Variants in PKIB observed in about 807,000 individuals in gnomAD.
The protein encoded by PKIB is PKI-beta.
PKIB carries 2 observed loss-of-function variants against 4.5 expected under a neutral mutation model. The observed-to-expected ratio is 0.44, with a 90% CI of 0.18 to 1.39. The LOEUF (loss-of-function observed/expected upper bound fraction) is 1.39, where lower values mean the gene tolerates loss of function less well. Ranked by LOEUF, PKIB falls within the 40% of genes most tolerant of loss-of-function variation. PKIB has a pLI of 0.27. For missense variants in PKIB, 94 were observed against 92.6 expected (o/e 1.02, Z -0.06); for synonymous variants, 38 against 36.0 (o/e 1.06, Z -0.20).
chr6:122,529,902 A>G (rs1049333744), intron 2 of PKIB, among the ~76,000 whole-genome samples: 4 of 152,064 alleles, frequency 2.6e-5, no homozygotes, highest in African/African-American at 7.2e-5. Flanking sequence ...TATAAGATAC[A>G]TCTGTGTTGT....
chr6:122,628,592 C>T lies in PKIB; in HGVS notation c.-160-4691C>T, dbSNP rs148911218. The stretch of plus-strand genomic sequence containing the variant: ...TGACATAGTGGATACAAAGTATGCC[C>T]TGTGCATTAATAGCTAGTATAAATG... On this transcript the variant is annotated intron_variant, in intron 1 of 4. Coordinates refer to ENST00000368452, the MANE Select transcript of PKIB (RefSeq NM_181795.3). Among the ~76,000 whole-genome samples, 281 of 152,266 alleles carry T rather than the reference C, an allele frequency of 1.8e-3. 1 individual carries two copies. Among genetic ancestry groups the T allele is most frequent in the African/African-American group, 6.5e-3 (269 of 41,552 alleles).
At position 122,704,877 on chromosome 6, in the gene PKIB, A is replaced by C. The variant is rs532992979; in HGVS notation, c.-8-12910A>C. Among the ~76,000 whole-genome samples the C allele has an allele frequency of 1.4e-3, 212 of 152,158 alleles. 2 individuals are homozygous for C. The highest frequency in any genetic ancestry group is 4.9e-3 in the African/African-American group (202 of 41,510). On this transcript the variant is annotated intron_variant, in intron 3 of 4. Transcript: ENST00000368452. The stretch of plus-strand genomic sequence containing the variant: ...GATCACTTGAGGCCAGAAGTTTAAG[A>C]CCATCCTTCAACTCTACAAAAAGTT...
At chr6:122,471,935 C>T (rs1188193806) in exon 1 of PKIB, 1 of 1,226,928 alleles carries the variant, frequency 8.2e-7, no homozygotes, top group Admixed American at 3.1e-5. Flanking sequence ...ATGCGCGTCA[C>T]TAGACGACAC....
chr6:122,513,473 A>G (rs1776648870), intron 2 of PKIB, among the ~76,000 whole-genome samples: 1 of 152,202 alleles, frequency 6.6e-6, no homozygotes, highest in Admixed American at 6.5e-5. Flanking sequence ...TTCAATTTCA[A>G]CTTTTACTTT....
intron 3 of PKIB, among the ~76,000 whole-genome samples, chr6:122,715,544 A>C (rs1342296093): frequency 2.0e-5 from 3 of 151,986 alleles, no homozygotes; most frequent in African/African-American, 4.8e-5. Context: ...AAACATTCAA[A>C]CTAGAGAAGA....
At chr6:122,514,336 G>C (rs1776680301) in intron 2 of PKIB, among the ~76,000 whole-genome samples, 1 of 152,148 alleles carries the variant, frequency 6.6e-6, no homozygotes, top group African/African-American at 2.4e-5. Context: ...GTGGTCCTGG[G>C]CTAGTAGTAC....
intron 3 of PKIB, among the ~76,000 whole-genome samples, chr6:122,680,593 T>C (rs1422163002): frequency 6.6e-6 from 1 of 152,154 alleles, no homozygotes; most frequent in Non-Finnish European, 1.5e-5. Context: ...TTCTAGTTTT[T>C]ATGACAAGCC....
intron 2 of PKIB, among the ~76,000 whole-genome samples, chr6:122,488,854 ATCTGTCTATC>A (rs1325625281): frequency 6.6e-6 from 1 of 152,232 alleles, no homozygotes; most frequent in Non-Finnish European, 1.5e-5. Context: ...TTCTGTATCT[ATCTGTCTATC>A]TCTGTCTATC....
At chr6:122,672,826 A>G (rs1009486048) in intron 2 of PKIB, among the ~76,000 whole-genome samples, 10 of 151,850 alleles carry the variant, frequency 6.6e-5, no homozygotes, top group Admixed American at 2.0e-4. Flanking sequence ...ACACACAAAA[A>G]TTATTTTTAT....
At chr6:122,673,211 G>A (rs775159633) in intron 2 of PKIB, among the ~76,000 whole-genome samples, 1 of 151,872 alleles carries the variant, frequency 6.6e-6, no homozygotes, top group Non-Finnish European at 1.5e-5. Flanking sequence ...AAATTATAGG[G>A]ATATTTTAAA....
intron 2 of PKIB, among the ~76,000 whole-genome samples, chr6:122,544,251 G>A (rs1414832956): frequency 1.3e-5 from 2 of 151,704 alleles, no homozygotes; most frequent in Admixed American, 6.6e-5. Context: ...AGATATTAAA[G>A]CATTCAAACT....
intron 2 of PKIB, among the ~76,000 whole-genome samples, chr6:122,519,628 C>T (rs907226120): frequency 1.3e-5 from 2 of 152,220 alleles, no homozygotes; most frequent in South Asian, 2.1e-4. Context: ...AAACATAGCC[C>T]TCACTAACTA....
At chr6:122,723,812 C>T (rs1247012680) in intron 4 of PKIB, among the ~76,000 whole-genome samples, 1 of 152,194 alleles carries the variant, frequency 6.6e-6, no homozygotes, top group African/African-American at 2.4e-5. Context: ...GGCCACAAGA[C>T]TTCTTGAAAA....
At chr6:122,574,511 T>C (rs1773471058) in intron 2 of PKIB, among the ~76,000 whole-genome samples, 1 of 152,152 alleles carries the variant, frequency 6.6e-6, no homozygotes, top group Non-Finnish European at 1.5e-5. Flanking sequence ...CTTTAAATTA[T>C]ACTACAGGGC....
intron 2 of PKIB, among the ~76,000 whole-genome samples, chr6:122,528,174 A>G (rs1365442855): frequency 6.6e-6 from 1 of 152,142 alleles, no homozygotes; most frequent in African/African-American, 2.4e-5. Context: ...TGTTTTGTCT[A>G]CTATACCAAT....
chr6:122,509,587 C>A (rs1182174659), intron 2 of PKIB, among the ~76,000 whole-genome samples: 1 of 151,952 alleles, frequency 6.6e-6, no homozygotes, highest in Admixed American at 6.6e-5. Context: ...CCCACCACCA[C>A]ACCCAGCTAA....
At chr6:122,717,676 T>C in intron 3 of PKIB, 111 bp from the exon 4 acceptor site, 1 of 1,017,048 alleles carries the variant, frequency 9.8e-7, no homozygotes, top group East Asian at 2.4e-5. Flanking sequence ...TGATCAATGA[T>C]TAGACTCTCA....
chr6:122,515,581 G>A (rs1320273826), intron 2 of PKIB, among the ~76,000 whole-genome samples: 1 of 152,196 alleles, frequency 6.6e-6, no homozygotes, highest in Admixed American at 6.5e-5. Flanking sequence ...ATTACTTTAA[G>A]AACAGATAAG....
chr6:122,477,773 G>T (rs568592926), intron 1 of PKIB: 7 of 152,162 alleles, frequency 4.6e-5, no homozygotes, highest in African/African-American at 1.2e-4. Context: ...CCATTATTGC[G>T]TAAAACACTT....
Sources: allele counts gnomAD v4.1 joint callset (sites outside exome capture counted in the v4.1 genomes callset), GRCh38; gene constraint gnomAD v4.1.1; transcripts MANE v1.5; gene names NCBI Gene and HGNC (gene_info 2026-07-23, HGNC 2026-07-21).